The following TSC2 variants were observed in gnomAD, a reference collection of about 807,000 sequenced individuals.
The protein encoded by TSC2 is tuberin.
Under a neutral mutation model 202.2 loss-of-function variants are expected in TSC2, and 29 were observed. The observed-to-expected ratio is 0.14, with a 90% confidence interval of 0.11 to 0.20. The LOEUF (loss-of-function observed/expected upper bound fraction) is 0.20, where lower values mean the gene tolerates loss of function less well. Among genes scored for constraint, TSC2 ranks in the 10% least tolerant of loss-of-function variants. The pLI is 1.00. For missense variants in TSC2, 2,429 were observed against 2,420.0 expected, an observed-to-expected ratio of 1.00 and a Z score of -0.08; for synonymous variants, 1,349 against 1,044.0, an observed-to-expected ratio of 1.29 and a Z score of -5.63.
Position 2,089,002 on chromosome 16 carries a change from G to A in TSC2, c.*392G>A, listed in dbSNP as rs1180789393. On this transcript the variant is annotated 3_prime_UTR_variant, in exon 42 of 42. Transcript: ENST00000219476. ...CTAGTCCTGCTACTTGCCCAGACCT[G>A]ATGCCAGCAGGCCTGGGCGCTGCTC... The A allele has an allele frequency of 2.0e-5, 5 of 246,922 alleles. No individual in the cohort carries two copies. In the East Asian group the frequency reaches 2.7e-4, roughly 13 times the overall value. The allele number at this position is 246,922 out of a possible 1,614,324, so 15.3% of individuals were successfully genotyped here.
At chr16:2,077,429 C>T in intron 25 of TSC2, 169 bp from the exon 26 acceptor site, 2 of 939,684 alleles carry the variant, frequency 2.1e-6, no homozygotes, top group Non-Finnish European at 3.3e-6. Context: ...CTGTCTCTTC[C>T]CCGCTAACTG....
At chr16:2,063,742 C>T (rs1200603873) in intron 14 of TSC2, 1 of 236,934 alleles carries the variant, frequency 4.2e-6, no homozygotes, top group Non-Finnish European at 8.4e-6. Context: ...CCTGGAAGTT[C>T]CTCTGGGTCC....
rs547597044 is a variant in TSC2, at chr16:2,088,459, C to T, written c.5273C>T (p.Ala1758Val). 3 of 1,612,850 alleles carry T rather than the reference C, an allele frequency of 1.9e-6. No individual in the cohort carries two copies. The highest frequency in any genetic ancestry group is 2.5e-6 in the Non-Finnish European group (3 of 1,180,028). Residue 1758 changes from alanine to valine, a missense_variant, in exon 42 of 42, where the codon GCC becomes GTC. Physicochemically the swap from Ala to Val is moderately conservative, Grantham distance 64 (BLOSUM62 0). Coordinates refer to ENST00000219476, the MANE Select transcript of TSC2 (RefSeq NM_000548.5). Reference protein sequence around the residue: ...KRLRQRICEEAAYSNPSLPLV... With the variant: ...KRLRQRICEEVAYSNPSLPLV... Reference sequence around the variant, plus strand: ...CTCTGCCTTCAGATCTGCGAGGAAGCCGCCTACTCCAACCCCAGCCTACCT... The same window carrying T: ...CTCTGCCTTCAGATCTGCGAGGAAGTCGCCTACTCCAACCCCAGCCTACCT...
At chr16:2,057,802 C>T (rs1001619406) in intron 9 of TSC2, among the ~76,000 whole-genome samples, 4 of 147,226 alleles carry the variant, frequency 2.7e-5, no homozygotes, top group East Asian at 2.0e-4. Context: ...AGCCCTGCCT[C>T]GGCCCCTGCA....
chr16:2,056,098 A>G, intron 6 of TSC2, 98 bp from the exon 7 acceptor site: 5 of 1,510,988 alleles, frequency 3.3e-6, no homozygotes, highest in African/African-American at 1.4e-5. Context: ...AGGATGAGCC[A>G]TGCGTGTTAT....
rs2151549469 is a variant in TSC2 at position 2,085,225 on chromosome 16, C to T, written c.4570-5C>T. 1 of 1,612,628 alleles carries T rather than the reference C, an allele frequency of 6.2e-7. No individual in the cohort carries two copies. Among genetic ancestry groups the T allele is most frequent in the Non-Finnish European group, 8.5e-7 (1 of 1,179,878 alleles). ...GGGGCTCAGGCAGGGCTCTGTGTGC[C>T]ACAGTCACAGTCCTTTGAGCGGTCG... On this transcript the variant is annotated splice_polypyrimidine_tract_variant and splice_region_variant and intron_variant, in intron 35 of 41. Transcript: ENST00000219476.
intron 14 of TSC2, chr16:2,063,270 C>T (rs1479983813): frequency 3.1e-5 from 20 of 639,468 alleles, no homozygotes; most frequent in Middle Eastern, 4.2e-4. Context: ...GGCCAAGTAG[C>T]AAGGAAGGCA....
intron 16 of TSC2, among the ~76,000 whole-genome samples, chr16:2,068,340 T>C (rs1177083894): frequency 1.3e-5 from 2 of 152,302 alleles, no homozygotes; most frequent in East Asian, 3.9e-4. Flanking sequence ...GTGCCTGGCC[T>C]GTTTTCATTT....
At position 2,061,851 on chromosome 16, in the gene TSC2, C is replaced by T. The variant is rs2086675709; in HGVS notation, c.1120-20C>T. 10 of 1,614,032 alleles carry T rather than the reference C, an allele frequency of 6.2e-6. No homozygotes were observed. The highest frequency in any genetic ancestry group is 8.5e-6 in the Non-Finnish European group (10 of 1,180,012). ...GTGGGGAGTGGAAGTCAGCCTGTGT[C>T]ATCGTGCCTGGTACTGCAGACCTTG... is the stretch of plus-strand genomic sequence containing the variant. On this transcript the variant is annotated intron_variant, in intron 11 of 41. Transcript: ENST00000219476.
At chr16:2,070,114 G>A (rs1308624799) in intron 16 of TSC2, among the ~76,000 whole-genome samples, 1 of 152,118 alleles carries the variant, frequency 6.6e-6, no homozygotes, top group South Asian at 2.1e-4. Context: ...TCTGGGAGGT[G>A]CCCTTGACCT....
At chr16:2,064,138 C>T in intron 14 of TSC2, 134 bp from the exon 15 acceptor site, 2 of 1,431,706 alleles carry the variant, frequency 1.4e-6, no homozygotes, top group East Asian at 4.6e-5. Context: ...GGTGCTTGTG[C>T]TCTCTGCCCA....
At chr16:2,086,467 G>A in intron 37 of TSC2, 88 bp downstream of exon 37, 1 of 1,532,386 alleles carries the variant, frequency 6.5e-7, no homozygotes, top group Non-Finnish European at 8.8e-7. Context: ...CCTGGGGCAT[G>A]GCCCTGGCAC....
chr16:2,080,542 G>C (rs924264368), intron 30 of TSC2, 165 bp downstream of exon 30: 1 of 791,938 alleles, frequency 1.3e-6, no homozygotes, highest in Non-Finnish European at 2.0e-6. Context: ...GGAACGCAGT[G>C]GCGCAATCTC....
chr16:2,081,648 G>A lies in TSC2; in HGVS notation c.3664G>A (p.Asp1222Asn), dbSNP rs776157698. ...LENPLSPFSS[D>N]INNMPLQELS... ...GAACCCGCTCAGCCCTTTCTCCTCG[G>A]ACATCAACAACATGCCCCTGCAGGA... The change falls in exon 31 of 42, where the codon GAC (aspartate) becomes AAC (asparagine). Residue 1222 changes from aspartate to asparagine, a missense_variant. Coordinates refer to ENST00000219476, the MANE Select transcript of TSC2 (RefSeq NM_000548.5). The A allele has an allele frequency of 6.2e-7, 1 of 1,612,942 alleles. No individual in the cohort carries two copies. The highest frequency in any genetic ancestry group is 1.7e-5 in the Admixed American group (1 of 60,032).
rs370770569 is a variant in TSC2, at chr16:2,087,889, C to T, written c.5016C>T (p.Ile1672=). The stretch of plus-strand genomic sequence containing the variant: ...GCCAGTTCAACTTTGTCCACGTGAT[C>T]GTCACCCCGCTGGACTACGAGTGCA... The part of the protein sequence containing the change: ...IKGQFNFVHV[I]VTPLDYECNL... The change falls in exon 39 of 42, where the codon ATC becomes ATT. Residue 1672 remains isoleucine (I), a synonymous_variant. Transcript: ENST00000219476. 4.8e-5 allele frequency: 77 copies of T among 1,611,976 alleles called. No individual in the cohort carries two copies. The Middle Eastern group carries it at 4.9e-4, about 10-fold the overall frequency.
At chr16:2,054,242 A>T (rs1331038643) in intron 4 of TSC2, 54 bp from the exon 5 acceptor site, 1 of 1,613,234 alleles carries the variant, frequency 6.2e-7, no homozygotes, top group African/African-American at 1.3e-5. Flanking sequence ...ACTTCTTGGC[A>T]GCCGTGTGGG....
intron 26 of TSC2, chr16:2,078,468 C>G (rs1011588518): frequency 5.5e-6 from 1 of 183,350 alleles, no homozygotes; most frequent in African/African-American, 2.4e-5. Context: ...CTCGGTGAGG[C>G]TTAAAGCCAT....
At chr16:2,073,995 A>G (rs2088877905) in intron 21 of TSC2, among the ~76,000 whole-genome samples, 1 of 152,214 alleles carries the variant, frequency 6.6e-6, no homozygotes, top group Non-Finnish European at 1.5e-5. Context: ...GGCCTGTGGG[A>G]TCGTGTCGGA....
chr16:2,069,899 C>T (rs2087995756), intron 16 of TSC2, among the ~76,000 whole-genome samples: 1 of 152,214 alleles, frequency 6.6e-6, no homozygotes, highest in African/African-American at 2.4e-5. Context: ...AGGCGTGAGC[C>T]ACCACACCTG....
Sources: gnomAD v4.1 joint callset for allele counts (sites outside exome capture counted in the v4.1 genomes callset) on GRCh38, gnomAD v4.1.1 for gene constraint, MANE v1.5 for transcripts, NCBI Gene and HGNC (gene_info 2026-07-23, HGNC 2026-07-21) for gene names.